The following DGKI variants were observed in gnomAD, a reference collection of about 807,000 sequenced individuals.
DGKI encodes DAG kinase iota.
A neutral mutation model predicts 147.5 loss-of-function variants in DGKI; 55 were observed. The ratio of observed to expected loss-of-function variants is 0.37; its 90% CI spans 0.30 to 0.47. DGKI has a LOEUF of 0.47. Ranked by LOEUF, DGKI falls within the 20% of genes least tolerant of loss-of-function variation. The pLI, the probability that DGKI is intolerant of heterozygous loss-of-function variation, is 1.00. For missense variants in DGKI, 1,007 were observed against 1,323.8 expected (o/e 0.76, Z 3.71); for synonymous variants, 469 against 477.1 (o/e 0.98, Z 0.22).
chr7:137,824,609 T>C (rs1293640441), intron 1 of DGKI, among the ~76,000 whole-genome samples: 1 of 152,066 alleles, frequency 6.6e-6, no homozygotes, highest in East Asian at 1.9e-4. Flanking sequence ...CAGGGGTGCA[T>C]GTGCAGGTTT....
chr7:137,625,494 AT>A (rs1820904453), intron 6 of DGKI, among the ~76,000 whole-genome samples: 1 of 151,970 alleles, frequency 6.6e-6, no homozygotes, highest in African/African-American at 2.4e-5. Context: ...TTAAAAAAAA[AT>A]AAAGAAAGGC....
At chr7:137,533,144 A>T (rs1454825032) in intron 20 of DGKI, among the ~76,000 whole-genome samples, 1 of 151,928 alleles carries the variant, frequency 6.6e-6, no homozygotes, top group Non-Finnish European at 1.5e-5. Context: ...AAATAAATAA[A>T]TAAGCACGGT....
At chr7:137,468,675 A>G (rs1048299838) in intron 24 of DGKI, among the ~76,000 whole-genome samples, 1 of 152,184 alleles carries the variant, frequency 6.6e-6, no homozygotes, top group Admixed American at 6.5e-5. Context: ...CTCTTCCACT[A>G]TGCCAGTTAA....
At chr7:137,419,563 T>C (rs1016832) in intron 28 of DGKI, among the ~76,000 whole-genome samples, 61,902 of 151,990 alleles carry the variant, frequency 0.41, 13,154 homozygotes, top group East Asian at 0.74. Flanking sequence ...TTTAGTATAA[T>C]CATCAAACAC....
chr7:137,428,935 C>T (rs1206829070), intron 28 of DGKI, among the ~76,000 whole-genome samples: 2 of 152,164 alleles, frequency 1.3e-5, no homozygotes, highest in African/African-American at 2.4e-5. Flanking sequence ...ATTCCATGCT[C>T]ATGAGTAGGA....
chr7:137,499,920 G>C (rs908409200), intron 21 of DGKI, among the ~76,000 whole-genome samples: 1 of 152,116 alleles, frequency 6.6e-6, no homozygotes, highest in Non-Finnish European at 1.5e-5. Flanking sequence ...TAGCAAGAAG[G>C]CAGCCGTCTG....
intron 8 of DGKI, among the ~76,000 whole-genome samples, chr7:137,614,413 T>C (rs1316290034): frequency 6.6e-6 from 1 of 152,184 alleles, no homozygotes; most frequent in East Asian, 1.9e-4. Context: ...GCTCCAAGTA[T>C]ATGCACTGGT....
At chr7:137,620,632 A>G (rs528829612) in intron 7 of DGKI, among the ~76,000 whole-genome samples, 4 of 152,306 alleles carry the variant, frequency 2.6e-5, no homozygotes, top group Admixed American at 2.6e-4. Context: ...GCAAGTCTAA[A>G]GTGATTTTTG....
chr7:137,730,522 T>A (rs1255102708), intron 1 of DGKI, among the ~76,000 whole-genome samples: 1 of 152,086 alleles, frequency 6.6e-6, no homozygotes, highest in African/African-American at 2.4e-5. Context: ...CTCTAATCCA[T>A]CCTTCCCAAA....
In DGKI at chr7:137,640,196, G is replaced by A. The variant is rs990044995; in HGVS notation, c.804+5276C>T. Among the ~76,000 whole-genome samples the A allele has an allele frequency of 7.9e-5, 12 of 152,110 alleles. No homozygotes were observed. In the East Asian group the frequency reaches 1.7e-3, roughly 22 times the overall value. On this transcript the variant is annotated intron_variant, in intron 6 of 32. Coordinates refer to ENST00000614521, the MANE Select transcript of DGKI (RefSeq NM_001321708.2). ...ATTCCCCATTTCCCCCTCCCAGGAC[G>A]AATCTATAGGATATTACACTGAAGT...
chr7:137,463,727 T>C, intron 26 of DGKI, 116 bp from the exon 27 acceptor site: 5 of 1,248,764 alleles, frequency 4.0e-6, no homozygotes, highest in Non-Finnish European at 2.2e-6. Flanking sequence ...TTCATCTTTA[T>C]GAAGTGTTTA....
chr7:137,438,458 G>C (rs1488126089), intron 28 of DGKI, among the ~76,000 whole-genome samples: 1 of 152,032 alleles, frequency 6.6e-6, no homozygotes, highest in Non-Finnish European at 1.5e-5. Flanking sequence ...AGATCAATGG[G>C]AACTCTTATC....
intron 27 of DGKI, among the ~76,000 whole-genome samples, chr7:137,454,259 A>T (rs1400484365): frequency 6.6e-6 from 1 of 152,216 alleles, no homozygotes; most frequent in African/African-American, 2.4e-5. Flanking sequence ...TTAGTCAATT[A>T]AAAAGTCTAA....
chr7:137,846,905 A>T lies in DGKI; in HGVS notation c.-43T>A. The T allele has an allele frequency of 8.9e-7, 1 of 1,122,746 alleles. No individual in the cohort carries two copies. The highest frequency in any genetic ancestry group is 1.1e-6 in the Non-Finnish European group (1 of 917,224). The allele number at this position is 1,122,746 out of a possible 1,614,324, so 69.5% of individuals were successfully genotyped here. On this transcript the variant is annotated 5_prime_UTR_variant, in exon 1 of 33. Coordinates refer to ENST00000614521, the MANE Select transcript of DGKI (RefSeq NM_001321708.2). This position sits in a 1 kb window ranked among gnomAD's most constrained non-coding sequence, Gnocchi z 4.0. ...CGGGGCATTGTGGGAAACTCCGCTC[A>T]CTCCCCCGCCCCGGCCAATCAGAGG...
At chr7:137,686,310 G>A (rs1013077408) in intron 2 of DGKI, among the ~76,000 whole-genome samples, 2 of 152,152 alleles carry the variant, frequency 1.3e-5, no homozygotes, top group African/African-American at 4.8e-5. Flanking sequence ...TTTCATACTG[G>A]GTAGAGCCCA....
intron 1 of DGKI, among the ~76,000 whole-genome samples, chr7:137,764,006 C>T (rs1436926811): frequency 6.6e-6 from 1 of 151,632 alleles, no homozygotes; most frequent in Non-Finnish European, 1.5e-5. Context: ...CATATTGTCA[C>T]AACATTTATT....
intron 6 of DGKI, among the ~76,000 whole-genome samples, chr7:137,643,477 T>G (rs1821720222): frequency 6.6e-6 from 1 of 152,170 alleles, no homozygotes; most frequent in Admixed American, 6.5e-5. Flanking sequence ...TAATTTATTA[T>G]GTGGCAAGGA....
chr7:137,543,481 A>C (rs569183787), intron 20 of DGKI, among the ~76,000 whole-genome samples: 1 of 152,178 alleles, frequency 6.6e-6, no homozygotes, highest in African/African-American at 2.4e-5. Context: ...CTAATAATTC[A>C]TACATTGCAT....
At chr7:137,555,648 G>T (rs77769609) in intron 19 of DGKI, among the ~76,000 whole-genome samples, 16,566 of 152,008 alleles carry the variant, frequency 0.11, 2,027 homozygotes, top group African/African-American at 0.3. Flanking sequence ...AAGAAATTTC[G>T]TGGAAAAATA....
Sources: gnomAD v4.1 joint callset for allele counts (sites outside exome capture counted in the v4.1 genomes callset) on GRCh38, gnomAD v4.1.1 for gene constraint, Gnocchi (gnomAD v3.1) non-coding constraint, MANE v1.5 for transcripts, NCBI Gene and HGNC (gene_info 2026-07-23, HGNC 2026-07-21) for gene names.